Variants in DHX15 observed in about 807,000 individuals in gnomAD.
DHX15 encodes ATP-dependent RNA helicase DHX15.
Under a neutral mutation model 94.4 loss-of-function variants are expected in DHX15, and 11 were observed. That is an observed-to-expected ratio of 0.12 (90% CI 0.07 to 0.19). DHX15 has a LOEUF of 0.19. Ranked by LOEUF, DHX15 falls within the 10% of genes least tolerant of loss-of-function variation. DHX15 has a pLI of 1.00. For synonymous variants in DHX15, 338 were observed against 329.9 expected (o/e 1.02, Z -0.27); for missense variants, 304 against 988.5 (o/e 0.31, Z 9.29).
At chr4:24,536,282 A>T (rs1256842600) in intron 11 of DHX15, among the ~76,000 whole-genome samples, 1 of 152,136 alleles carries the variant, frequency 6.6e-6, no homozygotes. Context: ...TTAGGTAGCC[A>T]ATTTTTTTTT....
chr4:24,540,374 A>G (rs1657177379), intron 9 of DHX15, 75 bp from the exon 10 acceptor site: 1 of 1,260,958 alleles, frequency 7.9e-7, no homozygotes, highest in Non-Finnish European at 1.1e-6. Context: ...AACTATTATA[A>G]GCAATCTCAT....
chr4:24,550,379 C>T (rs1489314294), intron 5 of DHX15, among the ~76,000 whole-genome samples: 3 of 152,072 alleles, frequency 2.0e-5, no homozygotes, highest in African/African-American at 7.2e-5. Context: ...TTATAAACTT[C>T]TAAATTTTAA....
chr4:24,547,943 C>CTATATA (rs757091144), intron 6 of DHX15, among the ~76,000 whole-genome samples: 1 of 72,156 alleles, frequency 1.4e-5, no homozygotes, highest in African/African-American at 5.5e-5. Context: ...ATATATATAT[C>CTATATA]TATATCTATA....
chr4:24,533,203 G>A (rs749438476), intron 11 of DHX15, 149 bp from the exon 12 acceptor site: 2 of 699,888 alleles, frequency 2.9e-6, no homozygotes, highest in Admixed American at 2.4e-5. Context: ...GAACTGCAAT[G>A]TTACCAACTT....
chr4:24,578,887 G>C (rs1012301618), intron 1 of DHX15, among the ~76,000 whole-genome samples: 1 of 152,062 alleles, frequency 6.6e-6, no homozygotes, highest in Non-Finnish European at 1.5e-5. Context: ...TATACTTCTA[G>C]CATAGTACCA....
chr4:24,571,505 G>A (rs1722122881), intron 2 of DHX15, among the ~76,000 whole-genome samples: 1 of 152,236 alleles, frequency 6.6e-6, no homozygotes, highest in African/African-American at 2.4e-5. Context: ...TAAATTGGTT[G>A]CCATGACGGC....
intron 4 of DHX15, among the ~76,000 whole-genome samples, 185 bp from the exon 5 acceptor site, chr4:24,555,128 T>A (rs887995642): frequency 5.9e-5 from 9 of 152,232 alleles, no homozygotes; most frequent in African/African-American, 2.2e-4. Flanking sequence ...TTTACATTTT[T>A]AAAAATTTAG....
At chr4:24,560,820 A>C (rs189574638) in intron 3 of DHX15, among the ~76,000 whole-genome samples, 110 of 152,360 alleles carry the variant, frequency 7.2e-4, no homozygotes, top group Non-Finnish European at 9.6e-4. Context: ...AAGAAATACA[A>C]ATGGCTAATA....
At chr4:24,572,237 C>T (rs1413173514) in intron 2 of DHX15, among the ~76,000 whole-genome samples, 1 of 152,076 alleles carries the variant, frequency 6.6e-6, no homozygotes, top group Non-Finnish European at 1.5e-5. Context: ...AAGGTTCAAG[C>T]GATTCTCCTA....
chr4:24,552,233 A>C (rs1721624702), intron 5 of DHX15, among the ~76,000 whole-genome samples: 1 of 150,270 alleles, frequency 6.7e-6, no homozygotes. Context: ...ACTGAGAATA[A>C]AGACAGACAG....
chr4:24,540,222 A>G lies in DHX15; in HGVS notation c.1672T>C (p.Leu558=). ...ALNDDGDLTE[L]GSMMAEFPLD... ...GGAAACTCTGCCATCATGGATCCCAATTCAGTCAGATCTCCATCATCATTT... is the reference window on the plus strand; with the variant it reads ...GGAAACTCTGCCATCATGGATCCCAGTTCAGTCAGATCTCCATCATCATTT... Residue 558 remains leucine, a synonymous_variant, in exon 10 of 14, where the codon TTG becomes CTG. Coordinates refer to ENST00000336812, the MANE Select transcript of DHX15 (RefSeq NM_001358.3). 6.2e-7 allele frequency: 1 copy of G among 1,613,526 alleles called. No homozygotes were observed. The highest frequency in any genetic ancestry group is 8.5e-7 in the Non-Finnish European group (1 of 1,179,584).
chr4:24,532,823 A>G, intron 12 of DHX15, 41 bp downstream of exon 12: 2 of 1,410,538 alleles, frequency 1.4e-6, no homozygotes, highest in Non-Finnish European at 1.9e-6. Flanking sequence ...AATCAGTGTC[A>G]TATGAATACT....
chr4:24,535,127 A>G (rs991257883), intron 11 of DHX15, among the ~76,000 whole-genome samples: 1 of 152,188 alleles, frequency 6.6e-6, no homozygotes, highest in Non-Finnish European at 1.5e-5. Context: ...GTGAGAGATC[A>G]TAGTACCTCT....
At position 24,541,867 on chromosome 4, in the gene DHX15, C is replaced by G. The variant is rs1025343284; in HGVS notation, c.1485+6G>C. ...CATATCGGCAGGAAACGACAATACC[C>G]CATACCTGCATTTCTGTTTTATAAG... On this transcript the variant is annotated splice_donor_region_variant and intron_variant, in intron 8 of 13. Transcript: ENST00000336812. 6.3e-7 allele frequency: 1 copy of G among 1,577,272 alleles called. No individual in the cohort carries two copies. The highest frequency in any genetic ancestry group is 8.6e-7 in the Non-Finnish European group (1 of 1,156,186).
intron 13 of DHX15, among the ~76,000 whole-genome samples, chr4:24,528,680 G>GAT (rs925988161): frequency 6.6e-6 from 1 of 152,120 alleles, no homozygotes; most frequent in Non-Finnish European, 1.5e-5. Context: ...TCCTGTCATA[G>GAT]GTTATAGAAT....
At position 24,554,902 on chromosome 4, in the gene DHX15, C is replaced by T; in HGVS notation, c.903G>A (p.Gln301=). 1 of 1,613,714 alleles carries T rather than the reference C, an allele frequency of 6.2e-7. No homozygotes were observed. Among genetic ancestry groups the T allele is most frequent in the South Asian group, 1.1e-5 (1 of 91,080 alleles). Reference sequence around the variant, plus strand: ...GGAGAGGACAGTTATCAAAGTAAATCTGGAATTTTCCTGCATCTAGAGTAG... The same window carrying T: ...GGAGAGGACAGTTATCAAAGTAAATTTGGAATTTTCCTGCATCTAGAGTAG... The part of the protein sequence containing the change: ...MSATLDAGKF[Q]IYFDNCPLLT... The change falls in exon 5 of 14, where the codon CAG becomes CAA. Residue 301 remains glutamine, a synonymous_variant. Coordinates refer to ENST00000336812, the MANE Select transcript of DHX15 (RefSeq NM_001358.3).
chr4:24,565,995 G>T (rs185608682), intron 3 of DHX15, among the ~76,000 whole-genome samples: 1 of 152,020 alleles, frequency 6.6e-6, no homozygotes, highest in Admixed American at 6.6e-5. Flanking sequence ...GACCCTAGAG[G>T]CTATGCTCTA....
At chr4:24,571,899 A>G (rs1207732920) in intron 2 of DHX15, among the ~76,000 whole-genome samples, 1 of 152,212 alleles carries the variant, frequency 6.6e-6, no homozygotes, top group Non-Finnish European at 1.5e-5. Flanking sequence ...AACACTTTAA[A>G]TGAACAAAAA....
At chr4:24,568,905 A>T (rs1164467352) in intron 3 of DHX15, among the ~76,000 whole-genome samples, 1 of 152,248 alleles carries the variant, frequency 6.6e-6, no homozygotes, top group Non-Finnish European at 1.5e-5. Context: ...ACAAGAATTT[A>T]TTCAGTGAAG....
Sources: gnomAD v4.1 joint callset for allele counts (sites outside exome capture counted in the v4.1 genomes callset) on GRCh38, gnomAD v4.1.1 for gene constraint, MANE v1.5 for transcripts, NCBI Gene and HGNC (gene_info 2026-07-23, HGNC 2026-07-21) for gene names.